The following CDK19 variants were observed in gnomAD, a reference collection of about 807,000 sequenced individuals.
The protein encoded by CDK19 is cyclin dependent kinase 19, also known as cyclin-dependent kinase 19.
In CDK19, 20 loss-of-function variants were observed where a neutral mutation model predicts 68.3. The ratio of observed to expected loss-of-function variants is 0.29; its 90% CI spans 0.21 to 0.43. The LOEUF is 0.43. Ranked by LOEUF, CDK19 falls within the 20% of genes least tolerant of loss-of-function variation. CDK19 has a pLI of 1.00. For missense variants in CDK19, 339 were observed against 623.5 expected, an observed-to-expected ratio of 0.54 and a Z score of 4.86; for synonymous variants, 221 against 222.8, an observed-to-expected ratio of 0.99 and a Z score of 0.07.
At chr6:110,756,405 G>T (rs1433661876) in intron 1 of CDK19, among the ~76,000 whole-genome samples, 1 of 149,092 alleles carries the variant, frequency 6.7e-6, no homozygotes. Flanking sequence ...AAAAAAAAAC[G>T]TACAAAAATG....
At chr6:110,626,456 A>G (rs1779093554) in intron 8 of CDK19, among the ~76,000 whole-genome samples, 1 of 152,280 alleles carries the variant, frequency 6.6e-6, no homozygotes, top group African/African-American at 2.4e-5. Flanking sequence ...TCAATGCAAC[A>G]GTATTAGAAG....
chr6:110,641,886 A>G (rs2114787934), intron 4 of CDK19, among the ~76,000 whole-genome samples: 1 of 152,356 alleles, frequency 6.6e-6, no homozygotes, highest in Middle Eastern at 3.4e-3. Context: ...CCCTACAGGT[A>G]AGGACATAAA....
At chr6:110,805,971 C>T (rs1314051719) in intron 1 of CDK19, among the ~76,000 whole-genome samples, 1 of 134,012 alleles carries the variant, frequency 7.5e-6, no homozygotes, top group Non-Finnish European at 1.6e-5. Context: ...GATAACACTT[C>T]TCAAAAAAAA....
intron 2 of CDK19, among the ~76,000 whole-genome samples, chr6:110,732,264 G>C (rs1309264718): frequency 6.6e-6 from 1 of 152,118 alleles, no homozygotes; most frequent in African/African-American, 2.4e-5. Flanking sequence ...CGGAGATGGA[G>C]GCAGGTGGAT....
At position 110,612,072 on chromosome 6, in the gene CDK19, T is replaced by C. The variant is rs1225418650; in HGVS notation, c.*2463A>G. 1.3e-5 allele frequency: 2 copies of C among 152,238 alleles called. No individual in the cohort carries two copies. Among genetic ancestry groups the C allele is most frequent in the African/African-American group, 2.4e-5 (1 of 41,464 alleles). The allele number at this position is 152,238 out of a possible 1,614,324, so 9.4% of individuals were successfully genotyped here. ...ATACAAGGAAAACAGGGTAGTTCTG[T>C]GAATGTATAAGCGTAAGAACTATTT... On this transcript the variant is annotated 3_prime_UTR_variant, in exon 13 of 13. Coordinates refer to ENST00000368911, the MANE Select transcript of CDK19 (RefSeq NM_015076.5).
chr6:110,807,481 A>G (rs752616109), intron 1 of CDK19, among the ~76,000 whole-genome samples: 1 of 152,162 alleles, frequency 6.6e-6, no homozygotes, highest in Non-Finnish European at 1.5e-5. Flanking sequence ...TTTTATTGAA[A>G]CAGAGTCTCA....
intron 1 of CDK19, among the ~76,000 whole-genome samples, chr6:110,749,772 C>G (rs920494292): frequency 6.6e-6 from 1 of 151,690 alleles, no homozygotes; most frequent in Admixed American, 6.6e-5. Flanking sequence ...TGAATGACCA[C>G]ACTATTTTTT....
At chr6:110,615,887 T>C (rs1778281447) in intron 12 of CDK19, among the ~76,000 whole-genome samples, 1 of 152,078 alleles carries the variant, frequency 6.6e-6, no homozygotes, top group African/African-American at 2.4e-5. Context: ...TTTTCAGACT[T>C]TTGCATTTCG....
intron 1 of CDK19, among the ~76,000 whole-genome samples, chr6:110,759,555 A>G (rs1779091154): frequency 6.7e-6 from 1 of 150,020 alleles, no homozygotes; most frequent in Admixed American, 6.7e-5. Context: ...GTGAGCTATG[A>G]TCGCACCATT....
chr6:110,670,602 T>C, intron 2 of CDK19, 61 bp from the exon 3 acceptor site: 6 of 1,000,870 alleles, frequency 6.0e-6, no homozygotes, highest in Non-Finnish European at 9.5e-6. Flanking sequence ...AAATGATGAA[T>C]GTCTTATAAC....
chr6:110,786,690 T>C (rs1781251669), intron 1 of CDK19, among the ~76,000 whole-genome samples: 1 of 152,090 alleles, frequency 6.6e-6, no homozygotes, highest in Non-Finnish European at 1.5e-5. Flanking sequence ...TTCAACACCT[T>C]TAGTGTTGAA....
intron 4 of CDK19, among the ~76,000 whole-genome samples, chr6:110,662,317 C>T (rs1251831033): frequency 6.6e-6 from 1 of 152,056 alleles, no homozygotes; most frequent in Non-Finnish European, 1.5e-5. Context: ...GACCCTAAAG[C>T]ATTCATTCAA....
At chr6:110,636,767 A>G (rs566975653) in intron 5 of CDK19, among the ~76,000 whole-genome samples, 1 of 152,358 alleles carries the variant, frequency 6.6e-6, no homozygotes, top group South Asian at 2.1e-4. Flanking sequence ...GAAAAACAAG[A>G]TGGATATAAG....
intron 2 of CDK19, among the ~76,000 whole-genome samples, chr6:110,723,144 C>A (rs9320344): frequency 0.96 from 129,985 of 135,310 alleles, 62,685 homozygotes; most frequent in East Asian, 1. Flanking sequence ...TCAAAAAAAA[C>A]AAAAAACAAA....
intron 1 of CDK19, among the ~76,000 whole-genome samples, chr6:110,777,419 T>C (rs1214698824): frequency 6.6e-6 from 1 of 152,068 alleles, no homozygotes; most frequent in Non-Finnish European, 1.5e-5. Flanking sequence ...TACAATAAGA[T>C]ACGACCTCAT....
chr6:110,726,784 T>G (rs547768703), intron 2 of CDK19, among the ~76,000 whole-genome samples: 1 of 152,178 alleles, frequency 6.6e-6, no homozygotes, highest in Non-Finnish European at 1.5e-5. Flanking sequence ...GTCCACTGAT[T>G]GCAGTCATTT....
chr6:110,809,675 A>C (rs755065983), intron 1 of CDK19, among the ~76,000 whole-genome samples: 1 of 149,880 alleles, frequency 6.7e-6, no homozygotes, highest in South Asian at 2.1e-4. Context: ...TCGTTTTTTA[A>C]GAAAAGTAAA....
intron 1 of CDK19, among the ~76,000 whole-genome samples, chr6:110,768,809 C>A (rs955889716): frequency 2.0e-5 from 3 of 152,230 alleles, no homozygotes; most frequent in Admixed American, 2.0e-4. Context: ...AAATACATAT[C>A]ATTACACATT....
At chr6:110,642,380 C>CATTCAACAA (rs542034349) in intron 4 of CDK19, among the ~76,000 whole-genome samples, 2,158 of 150,194 alleles carry the variant, frequency 0.014, 17 homozygotes, top group South Asian at 0.034. Context: ...AACCCTCATT[C>CATTCAACAA]ATTCAACAAA....
Sources: allele counts gnomAD v4.1 joint callset (sites outside exome capture counted in the v4.1 genomes callset), GRCh38; gene constraint gnomAD v4.1.1; transcripts MANE v1.5; gene names NCBI Gene and HGNC (gene_info 2026-07-23, HGNC 2026-07-21).